The following GRID2 variants were observed in gnomAD, a reference collection of about 807,000 sequenced individuals.
GRID2 encodes the protein glutamate ionotropic receptor delta type subunit 2, also known as glutamate receptor ionotropic, delta-2.
In GRID2, 33 loss-of-function variants were observed where a neutral mutation model predicts 114.8. The ratio of observed to expected loss-of-function variants is 0.29; its 90% CI spans 0.22 to 0.38. GRID2 has a LOEUF of 0.38. Among genes scored for constraint, GRID2 ranks in the 10% least tolerant of loss-of-function variants. The probability of loss-of-function intolerance (pLI) is 1.00; values close to 1 mark genes in which losing one functional copy is unlikely to be tolerated. For missense variants in GRID2, 1,184 were observed against 1,257.7 expected, an observed-to-expected ratio of 0.94 and a Z score of 0.89; for synonymous variants, 505 against 449.9, an observed-to-expected ratio of 1.12 and a Z score of -1.55.
intron 8 of GRID2, among the ~76,000 whole-genome samples, chr4:93,304,510 T>C (rs1560477637): frequency 1.3e-5 from 2 of 151,874 alleles, no homozygotes; most frequent in Non-Finnish European, 2.9e-5. Flanking sequence ...ATAAGTACTT[T>C]GATGTTCAAT....
At chr4:93,684,459 C>G (rs183840640) in intron 14 of GRID2, among the ~76,000 whole-genome samples, 63 of 152,190 alleles carry the variant, frequency 4.1e-4, no homozygotes, top group African/African-American at 1.1e-3. Context: ...ACTACAAATG[C>G]TTGAGTCTCA....
intron 2 of GRID2, among the ~76,000 whole-genome samples, chr4:93,018,123 A>G (rs780913648): frequency 3.9e-4 from 60 of 151,910 alleles, no homozygotes; most frequent in Non-Finnish European, 6.6e-4. Context: ...TATAATGGAT[A>G]GGCTATGAAA....
At chr4:92,485,176 A>G (rs1406315433) in intron 1 of GRID2, among the ~76,000 whole-genome samples, 1 of 150,944 alleles carries the variant, frequency 6.6e-6, no homozygotes, top group African/African-American at 2.4e-5. Flanking sequence ...CTGGAGGATG[A>G]CAGTTGGGGA....
At chr4:92,789,374 A>G (rs1484416108) in intron 2 of GRID2, among the ~76,000 whole-genome samples, 1 of 151,832 alleles carries the variant, frequency 6.6e-6, no homozygotes, top group South Asian at 2.1e-4. Flanking sequence ...TTGCTAAGTG[A>G]TTATCTAGTC....
At chr4:92,482,747 G>A (rs894410837) in intron 1 of GRID2, among the ~76,000 whole-genome samples, 2 of 152,076 alleles carry the variant, frequency 1.3e-5, no homozygotes, top group African/African-American at 2.4e-5. Flanking sequence ...ATCTAGAGAC[G>A]CATAACTTAA....
intron 3 of GRID2, among the ~76,000 whole-genome samples, chr4:93,108,460 A>G (rs1280105458): frequency 1.3e-5 from 2 of 152,124 alleles, no homozygotes; most frequent in Non-Finnish European, 2.9e-5. Flanking sequence ...AAGTAATCTG[A>G]AACTTTATTC....
chr4:92,310,900 T>C (rs1038852288), intron 1 of GRID2, among the ~76,000 whole-genome samples: 1 of 151,936 alleles, frequency 6.6e-6, no homozygotes, highest in Non-Finnish European at 1.5e-5. Flanking sequence ...CAAGGGGAAA[T>C]AAGGAACATG....
chr4:93,024,607 A>G (rs898908427), intron 2 of GRID2, among the ~76,000 whole-genome samples: 5 of 151,758 alleles, frequency 3.3e-5, no homozygotes, highest in Non-Finnish European at 7.4e-5. Flanking sequence ...TATATATTTT[A>G]AAGGTTACAT....
At chr4:92,768,702 C>G (rs567443815) in intron 2 of GRID2, among the ~76,000 whole-genome samples, 3 of 152,118 alleles carry the variant, frequency 2.0e-5, no homozygotes, top group African/African-American at 7.2e-5. Flanking sequence ...TCACGTCTTA[C>G]AAGAATGGTG....
At chr4:93,235,242 T>C (rs530094969) in intron 7 of GRID2, among the ~76,000 whole-genome samples, 39 of 152,280 alleles carry the variant, frequency 2.6e-4, no homozygotes, top group African/African-American at 9.1e-4. Flanking sequence ...AAACAAATTT[T>C]ATTTCATATT....
chr4:92,439,675 T>C (rs1054264685), intron 1 of GRID2, among the ~76,000 whole-genome samples: 6 of 145,380 alleles, frequency 4.1e-5, no homozygotes, highest in African/African-American at 1.5e-4. Flanking sequence ...TTTGTGCGAA[T>C]TGAAAAACTA....
intron 15 of GRID2, among the ~76,000 whole-genome samples, chr4:93,769,792 T>C (rs1439551): frequency 0.054 from 8,178 of 152,210 alleles, 712 homozygotes; most frequent in African/African-American, 0.18. Context: ...ATACTTACCA[T>C]TTTGTTTCAC....
chr4:92,780,017 GA>G (rs1578181840), intron 2 of GRID2, among the ~76,000 whole-genome samples: 1 of 152,026 alleles, frequency 6.6e-6, no homozygotes, highest in East Asian at 1.9e-4. Flanking sequence ...AGAGAGAAAT[GA>G]AAAAATATCA....
At chr4:92,730,939 A>C (rs952947870) in intron 2 of GRID2, among the ~76,000 whole-genome samples, 1 of 152,002 alleles carries the variant, frequency 6.6e-6, no homozygotes, top group Non-Finnish European at 1.5e-5. Context: ...CAAAAATAGA[A>C]TTACAGCATT....
intron 14 of GRID2, among the ~76,000 whole-genome samples, chr4:93,696,825 G>A (rs1192953602): frequency 6.6e-6 from 1 of 151,930 alleles, no homozygotes; most frequent in African/African-American, 2.4e-5. Flanking sequence ...CCAAATTTTG[G>A]CTTGTAATAC....
chr4:92,705,888 C>T (rs1177062262), intron 2 of GRID2, among the ~76,000 whole-genome samples: 1 of 152,136 alleles, frequency 6.6e-6, no homozygotes, highest in Non-Finnish European at 1.5e-5. Flanking sequence ...ATGGCTAGGA[C>T]CTTGGATTTG....
intron 2 of GRID2, among the ~76,000 whole-genome samples, chr4:92,891,585 A>G (rs1469012644): frequency 2.0e-5 from 3 of 152,174 alleles, no homozygotes; most frequent in Non-Finnish European, 4.4e-5. Context: ...GAAAATTAGC[A>G]CATGTACTGG....
chr4:92,946,732 C>T (rs1292870362), intron 2 of GRID2, among the ~76,000 whole-genome samples: 2 of 152,106 alleles, frequency 1.3e-5, no homozygotes, highest in African/African-American at 4.8e-5. Flanking sequence ...CTGTACCTTA[C>T]AGTTATGGTT....
rs986463958 is a variant in GRID2, at chr4:92,668,486, A to C, written c.244+78200A>C. On this transcript the variant is annotated intron_variant, in intron 2 of 15. Coordinates refer to ENST00000282020, the MANE Select transcript of GRID2 (RefSeq NM_001510.4). Reference sequence around the variant, plus strand: ...CTAAGCTGAGAAGTAATATATATTGAGGCATCTATTAATGCTTCATTTAAA... The same window carrying C: ...CTAAGCTGAGAAGTAATATATATTGCGGCATCTATTAATGCTTCATTTAAA... Among the ~76,000 whole-genome samples, 5 of 151,734 alleles carry C rather than the reference A, an allele frequency of 3.3e-5. No homozygotes were observed. The South Asian group carries it at 8.3e-4, about 25-fold the overall frequency.
Sources: gnomAD v4.1 joint callset for allele counts (sites outside exome capture counted in the v4.1 genomes callset) on GRCh38, gnomAD v4.1.1 for gene constraint, MANE v1.5 for transcripts, NCBI Gene and HGNC (gene_info 2026-07-23, HGNC 2026-07-21) for gene names.